RBKS: variants seen among roughly 807,000 people sequenced by gnomAD.
RBKS encodes the protein ribokinase.
RBKS carries 33 observed loss-of-function variants against 33.9 expected under a neutral mutation model. That is an observed-to-expected ratio of 0.97 (90% CI 0.74 to 1.30). The LOEUF (loss-of-function observed/expected upper bound fraction) is 1.30, where lower values mean the gene tolerates loss of function less well. RBKS is among the 50% of genes most tolerant of loss of function. RBKS has a pLI of 0.00. For missense variants in RBKS, 361 were observed against 392.6 expected (o/e 0.92, Z 0.68); for synonymous variants, 125 against 143.0 (o/e 0.87, Z 0.90).
intron 7 of RBKS, among the ~76,000 whole-genome samples, chr2:27,813,488 AG>A (rs1265021792): frequency 1.3e-5 from 2 of 152,186 alleles, no homozygotes; most frequent in African/African-American, 2.4e-5. Context: ...ACACAAAAAC[AG>A]GTTTCTAAAC....
chr2:27,844,532 G>A lies in RBKS; in HGVS notation c.350-1301C>T, dbSNP rs375596555. 8.9e-4 allele frequency among the ~76,000 whole-genome samples: 136 copies of A among 151,972 alleles called. 3 individuals are homozygous for A. Among genetic ancestry groups the A allele is most frequent in the Non-Finnish European group, 8.8e-4 (60 of 67,968 alleles). ...CTAAGCCTCCCAAGTAGCTGGTATT[G>A]CAGGGGTGTGCCGCCACGCCTGGCT... On this transcript the variant is annotated intron_variant, in intron 4 of 7. Transcript: ENST00000302188.
intron 7 of RBKS, among the ~76,000 whole-genome samples, chr2:27,816,966 T>C (rs1382468534): frequency 3.9e-5 from 6 of 152,230 alleles, no homozygotes; most frequent in African/African-American, 7.2e-5. Flanking sequence ...GGAGCATTTA[T>C]ATCTAAGATT....
At chr2:27,820,107 G>A (rs1432619515) in intron 7 of RBKS, among the ~76,000 whole-genome samples, 2 of 152,156 alleles carry the variant, frequency 1.3e-5, no homozygotes, top group East Asian at 1.9e-4. Flanking sequence ...TGATATCACC[G>A]ATCTTATTTG....
chr2:27,820,579 CTT>C (rs202103492), intron 7 of RBKS, among the ~76,000 whole-genome samples: 2,040 of 136,260 alleles, frequency 0.015, 33 homozygotes, highest in African/African-American at 0.051. Context: ...CTCTCTCTCT[CTT>C]TCTTTCTTTT....
chr2:27,873,301 A>G (rs1250237453), intron 1 of RBKS, among the ~76,000 whole-genome samples: 1 of 152,222 alleles, frequency 6.6e-6, no homozygotes, highest in Non-Finnish European at 1.5e-5. Context: ...CAGACATTCT[A>G]CACAGCTGCT....
intron 7 of RBKS, among the ~76,000 whole-genome samples, chr2:27,789,941 G>GTGTATATATATATATA (rs1558533050): frequency 3.1e-5 from 3 of 96,520 alleles, no homozygotes; most frequent in African/African-American, 1.2e-4. Flanking sequence ...ATATATATAT[G>GTGTATATATATATATA]TATATGTGTA....
At position 27,890,062 on chromosome 2, in the gene RBKS, T is replaced by C; in HGVS notation, c.89+195A>G. On this transcript the variant is annotated intron_variant, in intron 1 of 7. Transcript: ENST00000302188. The surrounding 1 kb of genome is among the most constrained non-coding windows in gnomAD (Gnocchi z 4.8). ...CCCTGGCCTATTACGTCCCCTCCCC[T>C]GAGATTTACCTTTATATACTCAAGT... is the stretch of plus-strand genomic sequence containing the variant. The C allele has an allele frequency of 1.8e-6, 1 of 554,618 alleles. No homozygotes were observed. The highest frequency in any genetic ancestry group is 3.2e-6 in the Non-Finnish European group (1 of 310,830). 34.4% of individuals were successfully genotyped at this position (554,618 alleles called of 1,614,324 possible). A position where few individuals can be genotyped will look rare whatever the true frequency, so the allele number is the denominator to read the frequency against.
rs1448176811 is a variant in RBKS, at chr2:27,872,098, C to T, written c.90-13527G>A. On this transcript the variant is annotated intron_variant, in intron 1 of 7. Coordinates refer to ENST00000302188, the MANE Select transcript of RBKS (RefSeq NM_022128.3). Reference sequence around the variant, plus strand: ...GGAGTGGCTGTAAATACAGATGAAGCTTTGCTCACTTGCCTGCCACTCACC... The same window carrying T: ...GGAGTGGCTGTAAATACAGATGAAGTTTTGCTCACTTGCCTGCCACTCACC... Among the ~76,000 whole-genome samples, 9 of 152,110 alleles carry T rather than the reference C, an allele frequency of 5.9e-5. No homozygotes were observed. The South Asian group carries it at 1.9e-3, about 31-fold the overall frequency.
Position 27,808,945 on chromosome 2 carries a change from G to A in RBKS, c.795+18622C>T, listed in dbSNP as rs144682503. On this transcript the variant is annotated intron_variant, in intron 7 of 7. Transcript: ENST00000302188. The stretch of plus-strand genomic sequence containing the variant: ...TTTACCTATCACCCACTTCACCCCA[G>A]GAATGGGAACTGGAGATAAAATGAA... Among the ~76,000 whole-genome samples, 1,080 of 152,206 alleles carry A rather than the reference G, an allele frequency of 7.1e-3. 14 individuals are homozygous for A. The highest frequency in any genetic ancestry group is 0.023 in the African/African-American group (959 of 41,520).
intron 1 of RBKS, among the ~76,000 whole-genome samples, chr2:27,868,357 T>C (rs1330176478): frequency 6.6e-6 from 1 of 152,164 alleles, no homozygotes; most frequent in African/African-American, 2.4e-5. Flanking sequence ...TCATCTGTTT[T>C]AGGGAAAAAG....
intron 5 of RBKS, among the ~76,000 whole-genome samples, chr2:27,840,012 C>CTCT (rs1212349283): frequency 6.6e-6 from 1 of 150,680 alleles, no homozygotes; most frequent in African/African-American, 2.5e-5. Context: ...CATTATACCA[C>CTCT]TCTTCTTCTT....
At position 27,840,350 on chromosome 2, in the gene RBKS, ACACACGCG is replaced by A. The variant is rs1391803568; in HGVS notation, c.514+2709_514+2716del. On this transcript the variant is annotated intron_variant, in intron 5 of 7. Coordinates refer to ENST00000302188, the MANE Select transcript of RBKS (RefSeq NM_022128.3). ...ATTACACACACACACACACACACAC[ACACACGCG>A]CGCGCGCACACACACACACACACAC... 4.4e-3 allele frequency among the ~76,000 whole-genome samples: 600 copies of A among 137,076 alleles called. 2 individuals carry two copies. The highest frequency in any genetic ancestry group is 6.7e-3 in the Non-Finnish European group (438 of 65,614). 89.9% of individuals were successfully genotyped at this position (137,076 alleles called of 152,430 possible). A position where few individuals can be genotyped will look rare whatever the true frequency, so the allele number is the denominator to read the frequency against.
At chr2:27,801,966 ATATATATATATAT>A (rs1677800137) in intron 7 of RBKS, among the ~76,000 whole-genome samples, 1 of 54,826 alleles carries the variant, frequency 1.8e-5, no homozygotes, top group East Asian at 4.6e-4. Flanking sequence ...AAAAAAAAAT[ATATATATATATAT>A]ATATATATAT....
At chr2:27,807,833 C>A (rs1677922681) in intron 7 of RBKS, among the ~76,000 whole-genome samples, 2 of 151,452 alleles carry the variant, frequency 1.3e-5, no homozygotes, top group Non-Finnish European at 2.9e-5. Context: ...GGAATCCCAG[C>A]AGAAAGGAAA....
intron 1 of RBKS, among the ~76,000 whole-genome samples, chr2:27,878,037 AATT>A (rs1271812209): frequency 8.1e-5 from 12 of 147,452 alleles, no homozygotes; most frequent in Non-Finnish European, 1.7e-4. Flanking sequence ...TATTTTTTTT[AATT>A]ATTATTATAC....
chr2:27,820,682 G>C (rs1404512346), intron 7 of RBKS, among the ~76,000 whole-genome samples: 1 of 151,860 alleles, frequency 6.6e-6, no homozygotes. Context: ...AAAGTGCTTG[G>C]ATTACAGGTG....
At chr2:27,797,794 GGA>G (rs1677690314) in intron 7 of RBKS, among the ~76,000 whole-genome samples, 1 of 152,148 alleles carries the variant, frequency 6.6e-6, no homozygotes, top group Admixed American at 6.6e-5. Flanking sequence ...ATGAACAGTC[GGA>G]GAGTCTGACC....
chr2:27,803,752 AAGAC>A (rs954620159), intron 7 of RBKS, among the ~76,000 whole-genome samples: 2 of 152,138 alleles, frequency 1.3e-5, no homozygotes, highest in South Asian at 2.1e-4. Context: ...CTGCAATTAA[AAGAC>A]AGAGCAGGGG....
chr2:27,802,413 G>A (rs2148189761), intron 7 of RBKS, among the ~76,000 whole-genome samples: 1 of 145,234 alleles, frequency 6.9e-6, no homozygotes, highest in Admixed American at 7.1e-5. Flanking sequence ...TCCCATTGTA[G>A]GTCAAGGAAC....
Sources: allele counts gnomAD v4.1 joint callset (sites outside exome capture counted in the v4.1 genomes callset), GRCh38; gene constraint gnomAD v4.1.1; non-coding constraint Gnocchi (gnomAD v3.1); transcripts MANE v1.5; gene names NCBI Gene and HGNC (gene_info 2026-07-23, HGNC 2026-07-21).